PCSK5: variants seen among roughly 807,000 people sequenced by gnomAD.
PCSK5 encodes the protein proprotein convertase subtilisin/kexin type 5.
In PCSK5, 129 loss-of-function variants were observed where a neutral mutation model predicts 233.2. The observed-to-expected ratio is 0.55, with a 90% CI of 0.48 to 0.64. The LOEUF is 0.64. PCSK5 is among the 30% of genes least tolerant of loss of function. The pLI is 0.00. For synonymous variants in PCSK5, 825 were observed against 879.2 expected, an observed-to-expected ratio of 0.94 and a Z score of 1.09; for missense variants, 2,076 against 2,430.1, an observed-to-expected ratio of 0.85 and a Z score of 3.06.
intron 24 of PCSK5, among the ~76,000 whole-genome samples, chr9:76,264,038 C>T (rs1248278369): frequency 2.0e-5 from 3 of 152,138 alleles, no homozygotes; most frequent in East Asian, 1.9e-4. Context: ...GGAGGCATTA[C>T]ATTACTCAAT....
At chr9:76,270,178 C>G (rs538389692) in intron 24 of PCSK5, among the ~76,000 whole-genome samples, 2 of 152,032 alleles carry the variant, frequency 1.3e-5, no homozygotes, top group Non-Finnish European at 2.9e-5. Context: ...TCAGAAAATA[C>G]GTCTGTTGGA....
At chr9:75,897,427 G>T (rs190928659) in intron 1 of PCSK5, among the ~76,000 whole-genome samples, 1 of 150,786 alleles carries the variant, frequency 6.6e-6, no homozygotes, top group African/African-American at 2.4e-5. Flanking sequence ...CCCATCTCCT[G>T]TTGGACAGCC....
intron 1 of PCSK5, 47 bp downstream of exon 1, chr9:75,891,420 G>C (rs780971108): frequency 2.3e-5 from 32 of 1,420,698 alleles, no homozygotes; most frequent in Non-Finnish European, 3.0e-5. Context: ...AAGCCACTGG[G>C]GGCTTCTTGT....
At chr9:75,980,516 A>C (rs1250557815) in intron 2 of PCSK5, among the ~76,000 whole-genome samples, 1 of 152,230 alleles carries the variant, frequency 6.6e-6, no homozygotes, top group African/African-American at 2.4e-5. Flanking sequence ...TGTTTCAAGC[A>C]AATCAAGTAA....
intron 20 of PCSK5, among the ~76,000 whole-genome samples, chr9:76,214,817 C>G (rs1346275082): frequency 6.6e-6 from 1 of 152,124 alleles, no homozygotes; most frequent in African/African-American, 2.4e-5. Context: ...CAATGCTCAC[C>G]TCCATAAACT....
At chr9:75,919,926 G>A (rs1324602469) in intron 1 of PCSK5, among the ~76,000 whole-genome samples, 6 of 152,204 alleles carry the variant, frequency 3.9e-5, no homozygotes, top group African/African-American at 1.4e-4. Flanking sequence ...CCAGCACTTT[G>A]GGAAGCCGAG....
chr9:76,093,080 CTTTTTTTTTTTTT>C (rs71372045), intron 7 of PCSK5, among the ~76,000 whole-genome samples: 4 of 85,680 alleles, frequency 4.7e-5, no homozygotes, highest in African/African-American at 8.4e-5. Flanking sequence ...TTGTCTTTCC[CTTTTTTTTTTTTT>C]TTTTTTTTTT....
intron 2 of PCSK5, among the ~76,000 whole-genome samples, chr9:75,946,677 C>G (rs1824584985): frequency 6.6e-6 from 1 of 152,180 alleles, no homozygotes; most frequent in Non-Finnish European, 1.5e-5. Context: ...CAACCTCTGC[C>G]TCTCGGGTTC....
chr9:76,009,156 T>A (rs891226315), intron 3 of PCSK5, among the ~76,000 whole-genome samples: 31 of 152,304 alleles, frequency 2.0e-4, no homozygotes, highest in African/African-American at 7.5e-4. Context: ...GCGCAAAATA[T>A]TTGTTGAATT....
chr9:75,933,695 T>A (rs1263524065), intron 2 of PCSK5, among the ~76,000 whole-genome samples: 1 of 152,234 alleles, frequency 6.6e-6, no homozygotes, highest in African/African-American at 2.4e-5. Flanking sequence ...TTCTGTGGGT[T>A]ATAGGAATAT....
intron 24 of PCSK5, among the ~76,000 whole-genome samples, chr9:76,278,498 A>C (rs945763871): frequency 7.2e-5 from 11 of 152,148 alleles, no homozygotes; most frequent in African/African-American, 2.7e-4. Context: ...TACATGACCC[A>C]AATGATGTCT....
chr9:76,192,034 G>T (rs1002622984), intron 20 of PCSK5, among the ~76,000 whole-genome samples: 1 of 136,796 alleles, frequency 7.3e-6, no homozygotes, highest in Non-Finnish European at 1.5e-5. Flanking sequence ...AGCAGAGATC[G>T]TGTCCAGCCT....
intron 1 of PCSK5, among the ~76,000 whole-genome samples, chr9:75,892,903 G>T (rs1825672997): frequency 6.6e-6 from 1 of 152,196 alleles, no homozygotes. Context: ...CTGGAACTAA[G>T]GAAGTAAGGG....
intron 12 of PCSK5, among the ~76,000 whole-genome samples, chr9:76,160,769 C>CTTTTTTTTTTT (rs57054216): frequency 6.7e-6 from 1 of 148,460 alleles, no homozygotes; most frequent in African/African-American, 2.5e-5. Flanking sequence ...AATCTGATAT[C>CTTTTTTTTTTT]TTTTTTTTTT....
chr9:76,214,089 A>G (rs1825429711), intron 20 of PCSK5, among the ~76,000 whole-genome samples: 1 of 152,152 alleles, frequency 6.6e-6, no homozygotes, highest in Non-Finnish European at 1.5e-5. Context: ...TGCTCTGGAC[A>G]AGACTTAGAT....
intron 5 of PCSK5, among the ~76,000 whole-genome samples, chr9:76,034,223 C>T (rs1828761997): frequency 1.3e-5 from 2 of 152,034 alleles, no homozygotes; most frequent in South Asian, 4.2e-4. Flanking sequence ...CCAATTAATT[C>T]CTCCTCTGTA....
intron 1 of PCSK5, among the ~76,000 whole-genome samples, chr9:75,913,140 A>G (rs1314382147): frequency 2.9e-5 from 4 of 136,216 alleles, no homozygotes; most frequent in Non-Finnish European, 6.4e-5. Context: ...ATTCAGAACA[A>G]TGACTGGGCA....
At chr9:75,946,292 T>C (rs1473304608) in intron 2 of PCSK5, among the ~76,000 whole-genome samples, 2 of 152,320 alleles carry the variant, frequency 1.3e-5, no homozygotes, top group East Asian at 3.9e-4. Context: ...GAGAAGACAC[T>C]GTTATAAAAT....
chr9:76,072,027 T>C, intron 7 of PCSK5, 129 bp downstream of exon 7: 1 of 786,134 alleles, frequency 1.3e-6, no homozygotes, highest in Non-Finnish European at 2.0e-6. Flanking sequence ...GCAGGTAGGC[T>C]AATGGAAAGA....
Sources: gnomAD v4.1 joint callset for allele counts (sites outside exome capture counted in the v4.1 genomes callset) on GRCh38, gnomAD v4.1.1 for gene constraint, MANE v1.5 for transcripts, NCBI Gene and HGNC (gene_info 2026-07-23, HGNC 2026-07-21) for gene names.